SMARCAD1: variants seen among roughly 807,000 people sequenced by gnomAD.
The protein encoded by SMARCAD1 is SNF2 related chromatin remodeling ATPase with DExD box 1, also known as SWI/SNF-related matrix-associated actin-dependent regulator of chromatin subfamily A containing DEAD/H box 1.
Under a neutral mutation model 127.1 loss-of-function variants are expected in SMARCAD1, and 25 were observed. The ratio of observed to expected loss-of-function variants is 0.20; its 90% CI spans 0.14 to 0.27. The LOEUF is 0.27. SMARCAD1 is among the 10% of genes least tolerant of loss of function. The pLI is 1.00. For synonymous variants in SMARCAD1, 400 were observed against 396.9 expected (o/e 1.01, Z -0.09); for missense variants, 807 against 1,206.0 (o/e 0.67, Z 4.90).
chr4:94,249,957 C>G (rs1023616702), intron 7 of SMARCAD1, among the ~76,000 whole-genome samples: 1 of 151,818 alleles, frequency 6.6e-6, no homozygotes, highest in Non-Finnish European at 1.5e-5. Flanking sequence ...AGTATCTATA[C>G]TGTATCCCTA....
chr4:94,285,491 A>G (rs1754806235), intron 23 of SMARCAD1, among the ~76,000 whole-genome samples: 1 of 152,286 alleles, frequency 6.6e-6, no homozygotes, highest in South Asian at 2.1e-4. Context: ...ACTCTTCTGC[A>G]TCTTTTCTTA....
intron 23 of SMARCAD1, among the ~76,000 whole-genome samples, chr4:94,286,067 A>G (rs1754890753): frequency 6.6e-6 from 1 of 152,208 alleles, no homozygotes; most frequent in African/African-American, 2.4e-5. Flanking sequence ...ATATAATAGA[A>G]CCATAATAGT....
At chr4:94,282,138 C>T (rs1309980053) in intron 21 of SMARCAD1, among the ~76,000 whole-genome samples, 1 of 53,202 alleles carries the variant, frequency 1.9e-5, no homozygotes, top group Non-Finnish European at 3.5e-5. Flanking sequence ...CTCGCTCTGT[C>T]GCCCAGGCTG....
At chr4:94,261,005 C>A (rs1750890708) in intron 9 of SMARCAD1, among the ~76,000 whole-genome samples, 1 of 151,922 alleles carries the variant, frequency 6.6e-6, no homozygotes, top group South Asian at 2.1e-4. Context: ...GGAAATTTTA[C>A]ACTTCAAAAA....
At chr4:94,208,870 G>T (rs923908050) in intron 2 of SMARCAD1, among the ~76,000 whole-genome samples, 1 of 152,168 alleles carries the variant, frequency 6.6e-6, no homozygotes, top group Non-Finnish European at 1.5e-5. Flanking sequence ...GCTATTGGAA[G>T]AGCGATGTCA....
At chr4:94,263,114 A>G (rs1579263522) in intron 9 of SMARCAD1, among the ~76,000 whole-genome samples, 1 of 152,052 alleles carries the variant, frequency 6.6e-6, no homozygotes. Flanking sequence ...TGTTACGAGG[A>G]TTTAATGAGT....
chr4:94,257,204 G>A (rs1750234673), intron 9 of SMARCAD1, among the ~76,000 whole-genome samples: 1 of 151,910 alleles, frequency 6.6e-6, no homozygotes, highest in Admixed American at 6.6e-5. Flanking sequence ...TCTTCCTCCT[G>A]AAAAAAAGAT....
At chr4:94,260,455 T>A (rs926924904) in intron 9 of SMARCAD1, among the ~76,000 whole-genome samples, 11 of 152,126 alleles carry the variant, frequency 7.2e-5, no homozygotes, top group African/African-American at 2.7e-4. Flanking sequence ...GAAATTCTTG[T>A]GCCTCAGCCT....
intron 10 of SMARCAD1, among the ~76,000 whole-genome samples, chr4:94,267,618 A>AT (rs988882939): frequency 6.2e-4 from 94 of 150,532 alleles, no homozygotes; most frequent in Non-Finnish European, 2.7e-4. Flanking sequence ...TCTGGAGGGA[A>AT]TTTTTTTTTT....
chr4:94,219,144 A>G (rs1031026186), intron 2 of SMARCAD1, among the ~76,000 whole-genome samples: 3 of 152,154 alleles, frequency 2.0e-5, no homozygotes. Context: ...GGGCAAATAT[A>G]TGATGTGTTT....
At chr4:94,267,865 A>G (rs1279406752) in intron 10 of SMARCAD1, among the ~76,000 whole-genome samples, 1 of 152,168 alleles carries the variant, frequency 6.6e-6, no homozygotes, top group Non-Finnish European at 1.5e-5. Flanking sequence ...AAATTCTTAG[A>G]AAACTGTGAA....
At position 94,254,824 on chromosome 4, in the gene SMARCAD1, C is replaced by T. The variant is rs75960165; in HGVS notation, c.1281+1817C>T. Among the ~76,000 whole-genome samples the T allele has an allele frequency of 7.7e-3, 1,173 of 152,066 alleles. 10 individuals are homozygous for T. The highest frequency in any genetic ancestry group is 0.027 in the African/African-American group (1,111 of 41,512). On this transcript the variant is annotated intron_variant, in intron 9 of 23. Transcript: ENST00000354268. ...AAATTAGCAAGTAAATACAGATATG[C>T]TTTAAATTTTAATTTGCTTAGAACT...
chr4:94,220,049 A>G (rs1743857473), intron 2 of SMARCAD1, among the ~76,000 whole-genome samples: 1 of 152,190 alleles, frequency 6.6e-6, no homozygotes, highest in African/African-American at 2.4e-5. Flanking sequence ...ACTACTTAAA[A>G]GTGCCTATTT....
chr4:94,232,552 A>G (rs1011357281), intron 3 of SMARCAD1, among the ~76,000 whole-genome samples: 3 of 152,196 alleles, frequency 2.0e-5, no homozygotes, highest in South Asian at 2.1e-4. Context: ...ATTGTCCTCA[A>G]ATATTTGAAG....
intron 2 of SMARCAD1, among the ~76,000 whole-genome samples, chr4:94,209,236 CTTG>C (rs935332439): frequency 5.9e-5 from 9 of 152,272 alleles, no homozygotes; most frequent in Admixed American, 4.6e-4. Flanking sequence ...TATTTGAGCT[CTTG>C]TTGTATTATA....
At chr4:94,244,457 ATC>A (rs1748091311) in intron 6 of SMARCAD1, among the ~76,000 whole-genome samples, 1 of 152,240 alleles carries the variant, frequency 6.6e-6, no homozygotes, top group South Asian at 2.1e-4. Context: ...TTAAACAAAT[ATC>A]TGTTATGAAC....
At chr4:94,284,351 A>G (rs1754586686) in intron 22 of SMARCAD1, among the ~76,000 whole-genome samples, 3 of 100,568 alleles carry the variant, frequency 3.0e-5, no homozygotes, top group Admixed American at 1.2e-4. Context: ...AAAAAAAAAA[A>G]AAGAAAAAAG....
chr4:94,281,613 A>G, intron 21 of SMARCAD1, 23 bp downstream of exon 21: 1 of 1,353,452 alleles, frequency 7.4e-7, no homozygotes, highest in East Asian at 2.3e-5. Context: ...CATGTTAGTT[A>G]CAAAAAAATA....
intron 6 of SMARCAD1, among the ~76,000 whole-genome samples, chr4:94,247,304 C>A (rs1333687457): frequency 2.0e-5 from 3 of 152,072 alleles, no homozygotes; most frequent in Non-Finnish European, 2.9e-5. Flanking sequence ...CCCTTGGGCC[C>A]GCTGAGACAG....
Sources: allele counts gnomAD v4.1 joint callset (sites outside exome capture counted in the v4.1 genomes callset), GRCh38; gene constraint gnomAD v4.1.1; transcripts MANE v1.5; gene names NCBI Gene and HGNC (gene_info 2026-07-23, HGNC 2026-07-21).